Variants in ASH2L observed in about 807,000 individuals in gnomAD.
The protein encoded by ASH2L is ASH2 like, histone lysine methyltransferase complex subunit.
Under a neutral mutation model 81.1 loss-of-function variants are expected in ASH2L, and 30 were observed. The observed-to-expected ratio is 0.37, with a 90% CI of 0.28 to 0.50. The LOEUF (loss-of-function observed/expected upper bound fraction) is 0.50, where lower values mean the gene tolerates loss of function less well. ASH2L is among the 20% of genes least tolerant of loss of function. The pLI, the probability that ASH2L is intolerant of heterozygous loss-of-function variation, is 0.95. For synonymous variants in ASH2L, 273 were observed against 279.9 expected (o/e 0.98, Z 0.24); for missense variants, 559 against 792.1 (o/e 0.71, Z 3.53).
chr8:38,105,905 G>A lies in ASH2L; in HGVS notation c.188+167G>A, dbSNP rs539432536. On this transcript the variant is annotated intron_variant, in intron 1 of 15. Transcript: ENST00000343823. The stretch of plus-strand genomic sequence containing the variant: ...CCCGTCCCCTCTCAAGCATATCTCG[G>A]ATAACGCCCCTTCCGCACCTTTCAC... The A allele has an allele frequency of 1.6e-5, 23 of 1,464,106 alleles. No homozygotes were observed. In the Admixed American group the frequency reaches 5.5e-4, roughly 35 times the overall value. The allele number at this position is 1,464,106 out of a possible 1,614,324, so 90.7% of individuals were successfully genotyped here. A position where few individuals can be genotyped will look rare whatever the true frequency, so the allele number is the denominator to read the frequency against.
intron 10 of ASH2L, among the ~76,000 whole-genome samples, chr8:38,121,897 T>C (rs1334650920): frequency 6.6e-6 from 1 of 152,206 alleles, no homozygotes; most frequent in Non-Finnish European, 1.5e-5. Context: ...CTACCGTCTT[T>C]CCCTTATACT....
chr8:38,116,105 G>A (rs1028415872), intron 7 of ASH2L, among the ~76,000 whole-genome samples: 9 of 152,180 alleles, frequency 5.9e-5, no homozygotes, highest in African/African-American at 9.7e-5. Flanking sequence ...GCTCATGCCT[G>A]TAATCCCAGC....
rs530873354 is a variant in ASH2L, at chr8:38,111,965, A to G, written c.585+1132A>G. On this transcript the variant is annotated intron_variant, in intron 5 of 15. Transcript: ENST00000343823. ...ATCCAGGATCTGGTCAGGATCACCC[A>G]TTACATTTAGTTGTAATGACTGTTT... Among the ~76,000 whole-genome samples, 197 of 152,288 alleles carry G rather than the reference A, an allele frequency of 1.3e-3. 1 individual carries two copies. Among genetic ancestry groups the G allele is most frequent in the African/African-American group, 4.4e-3 (182 of 41,560 alleles).
At chr8:38,128,713 G>A (rs375452662) in intron 11 of ASH2L, 45 bp from the exon 12 acceptor site, 2 of 1,576,502 alleles carry the variant, frequency 1.3e-6, no homozygotes, top group East Asian at 4.5e-5. Flanking sequence ...AACTAGATTT[G>A]ACTTGCAATC....
Position 38,134,385 on chromosome 8 carries a change from C to G in ASH2L, c.1620+839C>G, listed in dbSNP as rs111433640. On this transcript the variant is annotated intron_variant, in intron 13 of 15. Transcript: ENST00000343823. The stretch of plus-strand genomic sequence containing the variant: ...GAGACTGAGGAAGCAAGTCCAGTGT[C>G]TTTATTCTTTATCAGAGGAGGTATC... Among the ~76,000 whole-genome samples, 360 of 151,238 alleles carry G rather than the reference C, an allele frequency of 2.4e-3. 1 individual carries two copies. Among genetic ancestry groups the G allele is most frequent in the African/African-American group, 7.8e-3 (321 of 41,248 alleles).
chr8:38,113,536 G>A (rs907571601), intron 5 of ASH2L, among the ~76,000 whole-genome samples: 4 of 152,110 alleles, frequency 2.6e-5, no homozygotes, highest in Admixed American at 6.6e-5. Context: ...GTCAAAAGTC[G>A]TTTCAGTCAT....
chr8:38,129,067 C>A, intron 12 of ASH2L, 116 bp downstream of exon 12: 3 of 1,433,068 alleles, frequency 2.1e-6, no homozygotes, highest in Non-Finnish European at 1.9e-6. Context: ...TTTTTCCTAA[C>A]CTGTTGCTAT....
chr8:38,122,797 G>A (rs934329511), intron 10 of ASH2L, among the ~76,000 whole-genome samples: 2 of 152,194 alleles, frequency 1.3e-5, no homozygotes, highest in Admixed American at 1.3e-4. Flanking sequence ...AGGCTGGTAT[G>A]CAGTGATGCA....
At chr8:38,117,594 G>A (rs942812091) in intron 8 of ASH2L, 23 of 395,606 alleles carry the variant, frequency 5.8e-5, no homozygotes, top group African/African-American at 8.7e-5. Flanking sequence ...TGAAAATGGC[G>A]GCAATAGCAC....
chr8:38,110,216 G>C lies in ASH2L; in HGVS notation c.402-163G>C, dbSNP rs117044754. Among the ~76,000 whole-genome samples, 345 of 152,246 alleles carry C rather than the reference G, an allele frequency of 2.3e-3. 15 individuals are homozygous for C. In the East Asian group the frequency reaches 0.058, roughly 26 times the overall value. On this transcript the variant is annotated intron_variant, in intron 3 of 15. Coordinates refer to ENST00000343823, the MANE Select transcript of ASH2L (RefSeq NM_004674.5). ...TCCCAGCTACTTGGGGGGCTGAAGT[G>C]GGAGAATCAACCTGAGCCAGGGAAC...
intron 4 of ASH2L, 112 bp downstream of exon 4, chr8:38,110,579 G>C: frequency 1.7e-6 from 2 of 1,201,674 alleles, no homozygotes; most frequent in Non-Finnish European, 2.4e-6. Flanking sequence ...AAATTCAGTT[G>C]GGGTTTAGCT....
chr8:38,121,296 A>G, intron 10 of ASH2L, 147 bp downstream of exon 10: 1 of 481,070 alleles, frequency 2.1e-6, no homozygotes, highest in East Asian at 3.6e-5. Context: ...AATGTGCAAG[A>G]AATTCTGTTC....
intron 10 of ASH2L, among the ~76,000 whole-genome samples, chr8:38,125,608 C>CAAA (rs11304330): frequency 6.8e-6 from 1 of 146,882 alleles, no homozygotes; most frequent in African/African-American, 2.5e-5. Flanking sequence ...AACTCCATCT[C>CAAA]AAAAAAAAAA....
chr8:38,125,926 G>A (rs752510045), intron 10 of ASH2L, among the ~76,000 whole-genome samples: 9 of 151,692 alleles, frequency 5.9e-5, no homozygotes, highest in South Asian at 2.1e-4. Flanking sequence ...ACGCCAGGCC[G>A]GGCATGGTGG....
Position 38,138,995 on chromosome 8 carries a change from A to G in ASH2L, c.1811A>G (p.Glu604Gly), listed in dbSNP as rs1245337741. 1 of 1,613,816 alleles carries G rather than the reference A, an allele frequency of 6.2e-7. No homozygotes were observed. The highest frequency in any genetic ancestry group is 2.2e-5 in the East Asian group (1 of 44,880). ...MSDMGWGAVV[E>G]HTLADVLYHV... The stretch of plus-strand genomic sequence containing the variant: ...GACATGGGCTGGGGCGCCGTGGTAG[A>G]GCACACCCTGGCTGACGTCTTGTAT... The change falls in exon 16 of 16, where the codon GAG (glutamate) becomes GGG (glycine). Residue 604 changes from glutamate to glycine, a missense_variant. This residue lies in a region of ASH2L where 95 missense variants were observed against 130.7 expected (regional missense o/e 0.73). Transcript: ENST00000343823.
At chr8:38,129,885 C>T (rs941556820) in intron 12 of ASH2L, among the ~76,000 whole-genome samples, 1 of 152,090 alleles carries the variant, frequency 6.6e-6, no homozygotes, top group Non-Finnish European at 1.5e-5. Context: ...ACACTTGGGC[C>T]GTCTCAGGTT....
intron 12 of ASH2L, among the ~76,000 whole-genome samples, chr8:38,131,338 A>AT (rs983454074): frequency 2.0e-5 from 3 of 151,694 alleles, no homozygotes; most frequent in East Asian, 1.9e-4. Flanking sequence ...TACAAAAAAA[A>AT]TTTTTTTTCC....
intron 6 of ASH2L, 99 bp downstream of exon 6, chr8:38,114,386 A>T: frequency 1.3e-6 from 1 of 776,306 alleles, no homozygotes. Context: ...TAAAATTAGA[A>T]CAACTTAATG....
chr8:38,109,466 A>G (rs915955501), intron 3 of ASH2L, among the ~76,000 whole-genome samples: 3 of 152,228 alleles, frequency 2.0e-5, no homozygotes, highest in African/African-American at 7.2e-5. Flanking sequence ...TAAGCCATTT[A>G]TACTAAAGGT....
Sources: allele counts gnomAD v4.1 joint callset (sites outside exome capture counted in the v4.1 genomes callset), GRCh38; gene constraint gnomAD v4.1.1; regional missense constraint gnomAD v4.1.1; transcripts MANE v1.5; gene names NCBI Gene and HGNC (gene_info 2026-07-23, HGNC 2026-07-21).